The following SPPL3 variants were observed in gnomAD, a reference collection of about 807,000 sequenced individuals.
The protein encoded by SPPL3 is signal peptide peptidase-like 3.
Under a neutral mutation model 42.4 loss-of-function variants are expected in SPPL3, and 5 were observed. The observed-to-expected ratio is 0.12, with a 90% confidence interval of 0.06 to 0.25. The LOEUF (loss-of-function observed/expected upper bound fraction) is 0.25. Among genes scored for constraint, SPPL3 ranks in the 10% least tolerant of loss-of-function variants. The pLI is 1.00. For synonymous variants in SPPL3, 195 were observed against 181.8 expected (o/e 1.07, Z -0.58); for missense variants, 235 against 489.0 (o/e 0.48, Z 4.90).
intron 2 of SPPL3, among the ~76,000 whole-genome samples, chr12:120,800,962 C>T (rs1395074974): frequency 6.6e-6 from 1 of 152,214 alleles, no homozygotes; most frequent in Non-Finnish European, 1.5e-5. Context: ...CAGCTTATGC[C>T]TGCTGCCTTG....
chr12:120,860,656 A>G (rs1281796974), intron 1 of SPPL3, among the ~76,000 whole-genome samples: 1 of 152,180 alleles, frequency 6.6e-6, no homozygotes, highest in Admixed American at 6.5e-5. Flanking sequence ...ATTTGTGTAT[A>G]TTGTATTTTA....
At chr12:120,856,206 C>G (rs1338784774) in intron 1 of SPPL3, among the ~76,000 whole-genome samples, 6 of 151,922 alleles carry the variant, frequency 3.9e-5, no homozygotes, top group South Asian at 4.2e-4. Context: ...AATGCAGATT[C>G]CAGTCCCCTT....
At position 120,762,643 on chromosome 12, in the gene SPPL3, G is replaced by A. The variant is rs923540827; in HGVS notation, c.*2356C>T. On this transcript the variant is annotated 3_prime_UTR_variant, in exon 11 of 11. Transcript: ENST00000353487. ...GAGTCTCACCCTGTCGCCCAGACTTGAGTGCAGTGGCGCAATCTCTGCTCA... is the reference window on the plus strand; with the variant it reads ...GAGTCTCACCCTGTCGCCCAGACTTAAGTGCAGTGGCGCAATCTCTGCTCA... 1 of 132,498 alleles carries A rather than the reference G, an allele frequency of 7.5e-6. No homozygotes were observed. Among genetic ancestry groups the A allele is most frequent in the Non-Finnish European group, 1.5e-5 (1 of 64,738 alleles). 8.2% of individuals were successfully genotyped at this position (132,498 alleles called of 1,614,324 possible). A position where few individuals can be genotyped will look rare whatever the true frequency, so the allele number is the denominator to read the frequency against.
At chr12:120,858,437 CA>C (rs1484331965) in intron 1 of SPPL3, among the ~76,000 whole-genome samples, 2 of 139,194 alleles carry the variant, frequency 1.4e-5, no homozygotes, top group Non-Finnish European at 3.1e-5. Flanking sequence ...GCCTGGGTAA[CA>C]AAAACAAGAC....
chr12:120,816,996 G>A (rs1428815000), intron 1 of SPPL3, among the ~76,000 whole-genome samples: 1 of 151,948 alleles, frequency 6.6e-6, no homozygotes, highest in East Asian at 1.9e-4. Flanking sequence ...ATTTTTCAAG[G>A]GTCTAGGTTT....
At chr12:120,772,360 A>G (rs1291767514) in intron 6 of SPPL3, among the ~76,000 whole-genome samples, 1 of 152,150 alleles carries the variant, frequency 6.6e-6, no homozygotes, top group Admixed American at 6.5e-5. Context: ...AGAACGTTGA[A>G]TGTCTCTCAA....
chr12:120,824,834 T>G lies in SPPL3; in HGVS notation c.24-13948A>C, dbSNP rs74401460. On this transcript the variant is annotated intron_variant, in intron 1 of 10. Coordinates refer to ENST00000353487, the MANE Select transcript of SPPL3 (RefSeq NM_139015.5). ...ATTACAAGCGTGAAGCTGCCTGGCC[T>G]TCTTAAACTTTTGACACTGTTTTTC... is the stretch of plus-strand genomic sequence containing the variant. Among the ~76,000 whole-genome samples, 715 of 152,338 alleles carry G rather than the reference T, an allele frequency of 4.7e-3. 7 individuals are homozygous for G. Among genetic ancestry groups the G allele is most frequent in the African/African-American group, 0.016 (656 of 41,576 alleles).
chr12:120,898,319 A>ATTT (rs1279563230), intron 1 of SPPL3, among the ~76,000 whole-genome samples: 292 of 138,964 alleles, frequency 2.1e-3, no homozygotes, highest in Non-Finnish European at 4.1e-3. Flanking sequence ...TTTTTTAAAA[A>ATTT]AAAAAAAAAA....
intron 1 of SPPL3, among the ~76,000 whole-genome samples, chr12:120,889,733 A>C (rs945581649): frequency 3.3e-5 from 5 of 152,230 alleles, no homozygotes; most frequent in African/African-American, 1.2e-4. Flanking sequence ...GCAATAGCTA[A>C]CTGATATAGT....
At chr12:120,883,855 A>G (rs993009369) in intron 1 of SPPL3, among the ~76,000 whole-genome samples, 1 of 151,732 alleles carries the variant, frequency 6.6e-6, no homozygotes, top group African/African-American at 2.4e-5. Flanking sequence ...TAATACCAAC[A>G]CTTTGGGAGG....
At chr12:120,844,520 C>A (rs1428741927) in intron 1 of SPPL3, among the ~76,000 whole-genome samples, 1 of 152,140 alleles carries the variant, frequency 6.6e-6, no homozygotes, top group Non-Finnish European at 1.5e-5. Flanking sequence ...TCTTTCCCGA[C>A]TGCCTGCCCC....
chr12:120,809,975 A>G (rs1284187176), intron 2 of SPPL3, among the ~76,000 whole-genome samples: 1 of 138,974 alleles, frequency 7.2e-6, no homozygotes, highest in Non-Finnish European at 1.5e-5. Flanking sequence ...CAACATAAAA[A>G]AATTTTTTTT....
At chr12:120,817,676 T>TG (rs1214988388) in intron 1 of SPPL3, among the ~76,000 whole-genome samples, 2 of 152,212 alleles carry the variant, frequency 1.3e-5, no homozygotes, top group African/African-American at 4.8e-5. Context: ...TCTGCTAGAC[T>TG]GCTTTATCCC....
chr12:120,840,063 G>A (rs550589510), intron 1 of SPPL3, among the ~76,000 whole-genome samples: 2 of 151,718 alleles, frequency 1.3e-5, no homozygotes, highest in East Asian at 1.9e-4. Context: ...GGTGGATCAC[G>A]AGGTCAGGAG....
chr12:120,794,738 G>C (rs1477982615), intron 2 of SPPL3, among the ~76,000 whole-genome samples: 2 of 152,168 alleles, frequency 1.3e-5, no homozygotes, highest in East Asian at 3.8e-4. Flanking sequence ...TTCATTGAAT[G>C]TGATCAGTGA....
chr12:120,779,192 A>G (rs1044543819), intron 6 of SPPL3, among the ~76,000 whole-genome samples: 4 of 152,226 alleles, frequency 2.6e-5, no homozygotes, highest in African/African-American at 7.2e-5. Context: ...AGTACTTAGA[A>G]ACTGTTTGAC....
chr12:120,823,411 T>C (rs749517122), intron 1 of SPPL3, among the ~76,000 whole-genome samples: 9 of 152,148 alleles, frequency 5.9e-5, no homozygotes, highest in South Asian at 4.2e-4. Context: ...AATCTTGTTG[T>C]TACTTAATCT....
intron 8 of SPPL3, 58 bp downstream of exon 8, chr12:120,768,267 G>C: frequency 2.6e-6 from 4 of 1,555,662 alleles, no homozygotes; most frequent in Non-Finnish European, 2.6e-6. Flanking sequence ...ACTGATCAAG[G>C]CCGGGAACAG....
chr12:120,900,174 G>A (rs1873930308), intron 1 of SPPL3, among the ~76,000 whole-genome samples: 1 of 151,952 alleles, frequency 6.6e-6, no homozygotes, highest in South Asian at 2.1e-4. Context: ...CTTATTATAC[G>A]AAAATCCTAA....
Sources: allele counts gnomAD v4.1 joint callset (sites outside exome capture counted in the v4.1 genomes callset), GRCh38; gene constraint gnomAD v4.1.1; transcripts MANE v1.5; gene names NCBI Gene and HGNC (gene_info 2026-07-23, HGNC 2026-07-21).